HEMK2: variants seen among roughly 807,000 people sequenced by gnomAD.
The protein encoded by HEMK2 is HemK methyltransferase 2, ETF1 glutamine and histone H4 lysine, also known as methyltransferase HEMK2.
the HEMK2 span, among the ~76,000 whole-genome samples, chr21:28,640,998 G>A: frequency 6.6e-6 from 1 of 152,164 alleles, no homozygotes; most frequent in African/African-American, 2.4e-5. Context: ...TGGGCTTTTA[G>A]TAAAAATTGT....
chr21:28,830,362 T>C, the HEMK2 span, among the ~76,000 whole-genome samples: 1 of 152,098 alleles, frequency 6.6e-6, no homozygotes, highest in Non-Finnish European at 1.5e-5. Context: ...CCCTTCACTC[T>C]CTCTCTCTTT....
At chr21:28,667,065 G>A in the HEMK2 span, among the ~76,000 whole-genome samples, 4 of 152,156 alleles carry the variant, frequency 2.6e-5, no homozygotes, top group East Asian at 3.9e-4. Flanking sequence ...CATCTTGTTC[G>A]TAAAGGAAGA....
chr21:28,676,452 T>C, the HEMK2 span, among the ~76,000 whole-genome samples: 1 of 152,168 alleles, frequency 6.6e-6, no homozygotes, highest in Non-Finnish European at 1.5e-5. Flanking sequence ...GGTTAGGACT[T>C]CAACAGGAGC....
At chr21:28,811,118 A>G in the HEMK2 span, among the ~76,000 whole-genome samples, 1 of 152,132 alleles carries the variant, frequency 6.6e-6, no homozygotes, top group Non-Finnish European at 1.5e-5. Flanking sequence ...ACAATGGCTC[A>G]TGCCTGTAAT....
chr21:28,582,663 A>C, the HEMK2 span, among the ~76,000 whole-genome samples: 3 of 152,204 alleles, frequency 2.0e-5, no homozygotes, highest in African/African-American at 7.2e-5. Flanking sequence ...GATTGAGAGG[A>C]AATACTATAA....
the HEMK2 span, among the ~76,000 whole-genome samples, chr21:28,609,848 C>A: frequency 3.3e-5 from 5 of 152,058 alleles, no homozygotes; most frequent in African/African-American, 1.2e-4. Context: ...TGAATTAACT[C>A]AATCTGACAA....
the HEMK2 span, among the ~76,000 whole-genome samples, chr21:28,695,113 C>T: frequency 1.3e-5 from 2 of 152,052 alleles, no homozygotes; most frequent in East Asian, 3.9e-4. Flanking sequence ...TTTCTTATGC[C>T]CAAAATACTG....
chr21:28,626,588 T>C, the HEMK2 span: 1 of 152,196 alleles, frequency 6.6e-6, no homozygotes, highest in African/African-American at 2.4e-5. Flanking sequence ...CTCATACCTG[T>C]AATCCCAATG....
At chr21:28,869,993 T>G in the HEMK2 span, among the ~76,000 whole-genome samples, 4 of 152,192 alleles carry the variant, frequency 2.6e-5, no homozygotes, top group Non-Finnish European at 5.9e-5. Context: ...CTCTAGCCTT[T>G]CTCCCAGTCA....
the HEMK2 span, among the ~76,000 whole-genome samples, chr21:28,759,487 G>A: frequency 6.6e-6 from 1 of 152,162 alleles, no homozygotes; most frequent in Admixed American, 6.6e-5. Context: ...GTATGACTTT[G>A]GACTGTGGAC....
the HEMK2 span, among the ~76,000 whole-genome samples, chr21:28,679,084 A>G: frequency 6.6e-6 from 1 of 152,254 alleles, no homozygotes; most frequent in Non-Finnish European, 1.5e-5. Flanking sequence ...GCTCCAATTA[A>G]AAGACACAGA....
At chr21:28,781,920 G>C in the HEMK2 span, among the ~76,000 whole-genome samples, 394 of 152,316 alleles carry the variant, frequency 2.6e-3, no homozygotes, top group African/African-American at 6.8e-3. Flanking sequence ...GATATTCTAA[G>C]GGCTTAGAGG....
At chr21:28,822,671 C>G in the HEMK2 span, among the ~76,000 whole-genome samples, 1 of 152,172 alleles carries the variant, frequency 6.6e-6, no homozygotes, top group African/African-American at 2.4e-5. Context: ...GGAACTCCAG[C>G]TGGAGCCATT....
chr21:28,677,991 T>G, the HEMK2 span, among the ~76,000 whole-genome samples: 1 of 152,182 alleles, frequency 6.6e-6, no homozygotes, highest in Admixed American at 6.5e-5. Context: ...AGAGCGCCTC[T>G]CCTCCTCCAA....
chr21:28,607,903 C>A, the HEMK2 span, among the ~76,000 whole-genome samples: 1 of 152,142 alleles, frequency 6.6e-6, no homozygotes, highest in African/African-American at 2.4e-5. Flanking sequence ...GGGGCTGATA[C>A]AAAGATATTA....
the HEMK2 span, among the ~76,000 whole-genome samples, chr21:28,686,853 C>G: frequency 1.8e-4 from 27 of 152,244 alleles, no homozygotes; most frequent in African/African-American, 6.0e-4. Flanking sequence ...TTTTTATACT[C>G]TTTTTAAAAA....
chr21:28,591,185 A>G, the HEMK2 span, among the ~76,000 whole-genome samples: 2 of 152,236 alleles, frequency 1.3e-5, no homozygotes, highest in East Asian at 3.8e-4. Context: ...AATTCAGCCA[A>G]TGTGACCAGA....
chr21:28,579,715 T>C, the HEMK2 span, among the ~76,000 whole-genome samples: 2 of 152,226 alleles, frequency 1.3e-5, no homozygotes, highest in Non-Finnish European at 2.9e-5. Context: ...AAATTGTGCA[T>C]ATTTGTTAGT....
the HEMK2 span, among the ~76,000 whole-genome samples, chr21:28,581,481 A>ACCCAGGGCAGAAGGAGTCTGG: frequency 6.7e-6 from 1 of 149,186 alleles, no homozygotes; most frequent in African/African-American, 2.4e-5. Flanking sequence ...CAGCTGAGGG[A>ACCCAGGGCAGAAGGAGTCTGG]AACTTAACCG....
Sources: gnomAD v4.1 joint callset for allele counts (sites outside exome capture counted in the v4.1 genomes callset) on GRCh38, gnomAD v4.1.1 for gene constraint, MANE v1.5 for transcripts, NCBI Gene and HGNC (gene_info 2026-07-23, HGNC 2026-07-21) for gene names.